The following DTNA variants were observed in gnomAD, a reference collection of about 807,000 sequenced individuals.
DTNA encodes the protein dystrophin-related protein 3.
In DTNA, 43 loss-of-function variants were observed where a neutral mutation model predicts 100.7. That is an observed-to-expected ratio of 0.43 (90% CI 0.33 to 0.55). The LOEUF (loss-of-function observed/expected upper bound fraction) is 0.55, where lower values mean the gene tolerates loss of function less well. Ranked by LOEUF, DTNA falls within the 20% of genes least tolerant of loss-of-function variation. DTNA has a pLI of 0.04. For missense variants in DTNA, 798 were observed against 953.9 expected (o/e 0.84, Z 2.15); for synonymous variants, 349 against 347.9 (o/e 1.00, Z -0.04).
At chr18:34,685,238 G>C (rs1167647161) in intron 1 of DTNA, among the ~76,000 whole-genome samples, 1 of 152,070 alleles carries the variant, frequency 6.6e-6, no homozygotes, top group Admixed American at 6.6e-5. Context: ...AAATGGTTTT[G>C]CCTGATTTTC....
chr18:34,829,019 A>G, intron 10 of DTNA: 1 of 1,614,074 alleles, frequency 6.2e-7, no homozygotes, highest in Non-Finnish European at 8.5e-7. Flanking sequence ...TCCTTACTGA[A>G]GGTCATTTTA....
chr18:34,540,217 A>C (rs2044117510), intron 1 of DTNA, among the ~76,000 whole-genome samples: 1 of 151,994 alleles, frequency 6.6e-6, no homozygotes, highest in African/African-American at 2.4e-5. Context: ...TATTACAAAA[A>C]TAATTTGGCA....
chr18:34,612,806 T>C (rs531648204), intron 1 of DTNA, among the ~76,000 whole-genome samples: 3 of 152,296 alleles, frequency 2.0e-5, no homozygotes, highest in Admixed American at 2.0e-4. Context: ...ACTATACATA[T>C]TAATCTAAAT....
At chr18:34,661,341 T>C (rs1281715204) in intron 1 of DTNA, among the ~76,000 whole-genome samples, 1 of 152,202 alleles carries the variant, frequency 6.6e-6, no homozygotes, top group Non-Finnish European at 1.5e-5. Flanking sequence ...CCATAAAACT[T>C]AGTGTATGCC....
At chr18:34,639,971 A>G (rs1395529276) in intron 1 of DTNA, among the ~76,000 whole-genome samples, 1 of 152,202 alleles carries the variant, frequency 6.6e-6, no homozygotes, top group African/African-American at 2.4e-5. Flanking sequence ...ATAATAGTTC[A>G]GAGATTATTT....
chr18:34,608,819 T>G (rs902003787), intron 1 of DTNA, among the ~76,000 whole-genome samples: 3 of 152,200 alleles, frequency 2.0e-5, no homozygotes, highest in African/African-American at 7.2e-5. Context: ...ATATCAGCAC[T>G]TCTAACAGCT....
chr18:34,731,480 C>T (rs1034817882), intron 1 of DTNA, among the ~76,000 whole-genome samples: 4 of 146,962 alleles, frequency 2.7e-5, no homozygotes, highest in East Asian at 2.0e-4. Context: ...AGCGAGACTC[C>T]GTCTCAAAAA....
chr18:34,862,926 C>T (rs575849449), intron 16 of DTNA, among the ~76,000 whole-genome samples: 26 of 152,252 alleles, frequency 1.7e-4, no homozygotes, highest in African/African-American at 6.0e-4. Context: ...ATCAGTTTTT[C>T]GTTGCAGAGT....
rs571341016 is a variant in DTNA at position 34,570,306 on chromosome 18, T to C, written c.-2+76792T>C. On this transcript the variant is annotated intron_variant, in intron 1 of 19. Transcript: ENST00000283365. ...TAAAAGTGATGGATAAATGAGGTAATAAGTTGCATTTATTTTCTATCAGTT... is the reference window on the plus strand; with the variant it reads ...TAAAAGTGATGGATAAATGAGGTAACAAGTTGCATTTATTTTCTATCAGTT... Among the ~76,000 whole-genome samples the C allele has an allele frequency of 5.8e-4, 88 of 152,198 alleles. 1 individual carries two copies. The highest frequency in any genetic ancestry group is 1.2e-3 in the Non-Finnish European group (79 of 68,032).
chr18:34,725,761 G>C (rs1435886012), intron 1 of DTNA, among the ~76,000 whole-genome samples: 1 of 152,144 alleles, frequency 6.6e-6, no homozygotes, highest in Non-Finnish European at 1.5e-5. Flanking sequence ...TATACCCAAA[G>C]GATTATAAAT....
intron 1 of DTNA, among the ~76,000 whole-genome samples, chr18:34,571,493 C>T (rs2047584752): frequency 6.6e-6 from 1 of 152,052 alleles, no homozygotes; most frequent in South Asian, 2.1e-4. Context: ...GTAATCCCAT[C>T]ACTTTGGGAG....
At chr18:34,802,898 C>A (rs1451285496) in intron 4 of DTNA, among the ~76,000 whole-genome samples, 1 of 152,134 alleles carries the variant, frequency 6.6e-6, no homozygotes, top group African/African-American at 2.4e-5. Flanking sequence ...TCAAAAAAAG[C>A]TGATATTTTT....
At chr18:34,755,412 G>A (rs2092705125) in intron 1 of DTNA, 1 of 157,718 alleles carries the variant, frequency 6.3e-6, no homozygotes, top group Middle Eastern at 3.3e-3. Flanking sequence ...AGGAACTGTT[G>A]CAAGTTCCAA....
chr18:34,817,339 G>C (rs1370388033), intron 7 of DTNA, among the ~76,000 whole-genome samples: 1 of 152,080 alleles, frequency 6.6e-6, no homozygotes, highest in Non-Finnish European at 1.5e-5. Flanking sequence ...CTTTACCAAA[G>C]GCAAGAATTG....
rs9944927 is a variant in DTNA, at chr18:34,890,327, G to A, written c.*2593G>A. On this transcript the variant is annotated 3_prime_UTR_variant, in exon 23 of 23. Coordinates refer to ENST00000444659, the MANE Select transcript of DTNA (RefSeq NM_001386795.1). ...CCACGTCAGCACTGAGACCAGACTC[G>A]AGCACCCCTGTCCTGTAAGCGAGAC... is the stretch of plus-strand genomic sequence containing the variant. 338,333 of 1,535,714 alleles carry A rather than the reference G, an allele frequency of 0.22. 43,444 individuals are homozygous for A. The highest frequency in any genetic ancestry group is 0.57 in the African/African-American group (41,486 of 72,996).
chr18:34,807,576 A>G (rs536117536), intron 5 of DTNA, among the ~76,000 whole-genome samples: 29 of 152,088 alleles, frequency 1.9e-4, no homozygotes, highest in Admixed American at 1.5e-3. Flanking sequence ...TTCCCTGGAG[A>G]TGCTCCAGGG....
intron 1 of DTNA, among the ~76,000 whole-genome samples, chr18:34,660,078 A>G (rs2074974007): frequency 1.3e-5 from 2 of 152,252 alleles, no homozygotes; most frequent in South Asian, 4.1e-4. Context: ...ATGAGTATAC[A>G]AGAGAGGGAA....
chr18:34,795,241 C>G (rs577363609), intron 4 of DTNA, among the ~76,000 whole-genome samples: 3 of 152,320 alleles, frequency 2.0e-5, no homozygotes, highest in Admixed American at 6.5e-5. Context: ...ATGTTCCAGC[C>G]AGGCTAATGT....
chr18:34,689,580 G>A (rs1255762930), intron 1 of DTNA, among the ~76,000 whole-genome samples: 1 of 152,140 alleles, frequency 6.6e-6, no homozygotes, highest in African/African-American at 2.4e-5. Flanking sequence ...GGTATCTATC[G>A]AACCCTGCTG....
Sources: allele counts gnomAD v4.1 joint callset (sites outside exome capture counted in the v4.1 genomes callset), GRCh38; gene constraint gnomAD v4.1.1; transcripts MANE v1.5; gene names NCBI Gene and HGNC (gene_info 2026-07-23, HGNC 2026-07-21).